The following PRKG1 variants were observed in gnomAD, a reference collection of about 807,000 sequenced individuals.
PRKG1 encodes protein kinase cGMP-dependent 1.
A neutral mutation model predicts 88.1 loss-of-function variants in PRKG1; 35 were observed. The ratio of observed to expected loss-of-function variants is 0.40; its 90% CI spans 0.30 to 0.53. PRKG1 has a LOEUF of 0.53. Ranked by LOEUF, PRKG1 falls within the 20% of genes least tolerant of loss-of-function variation. The probability of loss-of-function intolerance (pLI) is 0.59; values close to 1 mark genes in which losing one functional copy is unlikely to be tolerated. For synonymous variants in PRKG1, 303 were observed against 292.5 expected, an observed-to-expected ratio of 1.04 and a Z score of -0.37; for missense variants, 540 against 839.8, an observed-to-expected ratio of 0.64 and a Z score of 4.41.
intron 2 of PRKG1, among the ~76,000 whole-genome samples, chr10:51,421,994 C>T (rs1838429350): frequency 6.6e-6 from 1 of 152,178 alleles, no homozygotes; most frequent in South Asian, 2.1e-4. Flanking sequence ...CAGCATCAGC[C>T]ACCATTACTC....
At chr10:51,665,354 A>G (rs960936939) in intron 3 of PRKG1, among the ~76,000 whole-genome samples, 5 of 152,208 alleles carry the variant, frequency 3.3e-5, no homozygotes, top group African/African-American at 7.2e-5. Flanking sequence ...CTTGCTCAAT[A>G]TAATTAATAC....
chr10:52,029,163 C>T (rs1040779498), intron 5 of PRKG1, among the ~76,000 whole-genome samples: 10 of 152,170 alleles, frequency 6.6e-5, no homozygotes, highest in East Asian at 3.9e-4. Context: ...TGCTATTCCT[C>T]GGTGAAATCA....
chr10:51,074,555 A>G lies in PRKG1; in HGVS notation c.-36A>G, dbSNP rs1318228802. The G allele has an allele frequency of 1.3e-6, 2 of 1,588,266 alleles. No homozygotes were observed. Among genetic ancestry groups the G allele is most frequent in the Non-Finnish European group, 8.6e-7 (1 of 1,164,748 alleles). On this transcript the variant is annotated 5_prime_UTR_variant, in exon 1 of 18. Coordinates refer to ENST00000373980, the MANE Select transcript of PRKG1 (RefSeq NM_006258.4). Reference sequence around the variant, plus strand: ...GGGAGGAAGCCTCAAGACGCGGAGCAGCGGCAGGAAGGAGCCCCCGGCAGC... The same window carrying G: ...GGGAGGAAGCCTCAAGACGCGGAGCGGCGGCAGGAAGGAGCCCCCGGCAGC...
intron 9 of PRKG1, among the ~76,000 whole-genome samples, chr10:52,246,339 T>G (rs1841020015): frequency 6.6e-6 from 1 of 152,164 alleles, no homozygotes; most frequent in Non-Finnish European, 1.5e-5. Flanking sequence ...AATATGATAC[T>G]GTGCAGATAC....
At chr10:51,308,439 A>G (rs1841095141) in intron 2 of PRKG1, among the ~76,000 whole-genome samples, 1 of 152,178 alleles carries the variant, frequency 6.6e-6, no homozygotes, top group Admixed American at 6.5e-5. Context: ...TAAATTACAT[A>G]TTTCATAAAA....
At chr10:52,282,467 C>A in intron 14 of PRKG1, 151 bp downstream of exon 14, 2 of 846,474 alleles carry the variant, frequency 2.4e-6, no homozygotes, top group Non-Finnish European at 3.4e-6. Context: ...ACCAGGAATT[C>A]ATAATGTAAG....
intron 17 of PRKG1, among the ~76,000 whole-genome samples, chr10:52,290,910 CTTTTTTTTT>C (rs746256641): frequency 1.6e-5 from 2 of 122,888 alleles, no homozygotes; most frequent in African/African-American, 5.9e-5. Flanking sequence ...CATGATCACT[CTTTTTTTTT>C]TTTTTTTTTA....
chr10:51,398,013 C>T (rs542461483), intron 2 of PRKG1, among the ~76,000 whole-genome samples: 1 of 152,304 alleles, frequency 6.6e-6, no homozygotes, highest in East Asian at 1.9e-4. Context: ...ATTATTGCAG[C>T]TCTTCATGGC....
chr10:51,823,425 C>A (rs1233599917), intron 4 of PRKG1, among the ~76,000 whole-genome samples: 1 of 151,758 alleles, frequency 6.6e-6, no homozygotes. Flanking sequence ...AAGGGATAAC[C>A]CTGGACTAGC....
At chr10:52,287,698 TAAAAAAA>T (rs34027188) in intron 14 of PRKG1, among the ~76,000 whole-genome samples, 2 of 138,118 alleles carry the variant, frequency 1.4e-5, no homozygotes, top group Non-Finnish European at 3.1e-5. Flanking sequence ...ATGGATCAGT[TAAAAAAA>T]AAAAAAAAAA....
intron 2 of PRKG1, among the ~76,000 whole-genome samples, chr10:51,429,452 G>C (rs1838694792): frequency 6.6e-6 from 1 of 151,974 alleles, no homozygotes; most frequent in African/African-American, 2.4e-5. Flanking sequence ...CATAAAGAAA[G>C]AAAAATGTGG....
At chr10:52,109,086 A>G (rs952064299) in intron 7 of PRKG1, among the ~76,000 whole-genome samples, 3 of 151,988 alleles carry the variant, frequency 2.0e-5, no homozygotes, top group African/African-American at 7.2e-5. Context: ...TCGGCCTCCC[A>G]AAGTGCTGGG....
chr10:52,148,957 CTTTTTTTTTTTT>C (rs71904885), intron 8 of PRKG1, among the ~76,000 whole-genome samples: 119 of 55,164 alleles, frequency 2.2e-3, no homozygotes, highest in Non-Finnish European at 2.7e-3. Context: ...GATAGTTTTG[CTTTTTTTTTTTT>C]TTTTTTTTTT....
intron 1 of PRKG1, among the ~76,000 whole-genome samples, chr10:51,030,202 GT>G (rs201620009): frequency 1.2e-4 from 18 of 149,374 alleles, no homozygotes; most frequent in South Asian, 4.2e-4. Context: ...TATATTTACT[GT>G]TTTTTTTCAT....
At chr10:51,278,588 C>CT in intron 2 of PRKG1, among the ~76,000 whole-genome samples, 1 of 152,124 alleles carries the variant, frequency 6.6e-6, no homozygotes. Context: ...TGGTCCTGGA[C>CT]TTTTTTTGGT....
At chr10:52,106,765 A>ATGTTGAGTTCTTGTTCCTGATTGTT (rs2132579671) in intron 7 of PRKG1, among the ~76,000 whole-genome samples, 1 of 150,004 alleles carries the variant, frequency 6.7e-6, no homozygotes, top group African/African-American at 2.4e-5. Flanking sequence ...ATAAATAAAA[A>ATGTTGAGTTCTTGTTCCTGATTGTT]TGTTGAGTTC....
intron 3 of PRKG1, among the ~76,000 whole-genome samples, chr10:51,645,160 G>A (rs1388650810): frequency 2.0e-5 from 3 of 152,082 alleles, no homozygotes; most frequent in Non-Finnish European, 2.9e-5. Context: ...ACACATTAGA[G>A]TTTTTAAACA....
At chr10:51,301,365 GA>G (rs142387611) in intron 2 of PRKG1, among the ~76,000 whole-genome samples, 5,247 of 151,534 alleles carry the variant, frequency 0.035, 297 homozygotes, top group African/African-American at 0.12. Flanking sequence ...GAATGAGAGG[GA>G]AAAAAAATGC....
intron 2 of PRKG1, among the ~76,000 whole-genome samples, chr10:51,392,792 C>A (rs1230092806): frequency 6.9e-6 from 1 of 145,166 alleles, no homozygotes; most frequent in African/African-American, 2.5e-5. Flanking sequence ...CCGGACGGGG[C>A]GGCTGGCCGG....
Sources: gnomAD v4.1 joint callset for allele counts (sites outside exome capture counted in the v4.1 genomes callset) on GRCh38, gnomAD v4.1.1 for gene constraint, MANE v1.5 for transcripts, NCBI Gene and HGNC (gene_info 2026-07-23, HGNC 2026-07-21) for gene names.